SAMD3: variants seen among roughly 807,000 people sequenced by gnomAD.
SAMD3 encodes the protein sterile alpha motif domain-containing protein 3.
A neutral mutation model predicts 58.5 loss-of-function variants in SAMD3; 63 were observed. That is an observed-to-expected ratio of 1.08 (90% CI 0.88 to 1.33). SAMD3 has a LOEUF of 1.33. SAMD3 is among the 40% of genes most tolerant of loss of function. The pLI is 0.00. For missense variants in SAMD3, 604 were observed against 608.4 expected (o/e 0.99, Z 0.08); for synonymous variants, 220 against 210.3 (o/e 1.05, Z -0.40).
At chr6:130,164,343 A>G (rs1280064929) in intron 8 of SAMD3, among the ~76,000 whole-genome samples, 1 of 152,192 alleles carries the variant, frequency 6.6e-6, no homozygotes. Flanking sequence ...ACTTAAAGCA[A>G]AATCATTTTT....
intron 2 of SAMD3, among the ~76,000 whole-genome samples, chr6:130,232,063 A>C (rs1796563594): frequency 1.3e-5 from 2 of 152,138 alleles, no homozygotes; most frequent in Non-Finnish European, 2.9e-5. Flanking sequence ...CTACTGTAGT[A>C]GACATTACAG....
intron 1 of SAMD3, among the ~76,000 whole-genome samples, chr6:130,350,611 T>TG (rs1026733988): frequency 1.3e-5 from 2 of 152,134 alleles, no homozygotes; most frequent in African/African-American, 4.8e-5. Context: ...CGCTCATGGG[T>TG]AGGAAGAATC....
At chr6:130,340,189 T>G (rs1777226456) in intron 1 of SAMD3, among the ~76,000 whole-genome samples, 1 of 152,222 alleles carries the variant, frequency 6.6e-6, no homozygotes, top group South Asian at 2.1e-4. Context: ...GCAATGCAAA[T>G]TTGTTTCATA....
At chr6:130,221,134 A>C (rs55646369) in intron 1 of SAMD3, among the ~76,000 whole-genome samples, 7 of 152,030 alleles carry the variant, frequency 4.6e-5, no homozygotes, top group Non-Finnish European at 1.0e-4. Flanking sequence ...GATTACAGGC[A>C]TGAGCCACCA....
At chr6:130,356,945 A>G (rs1368025572) in intron 1 of SAMD3, among the ~76,000 whole-genome samples, 1 of 152,154 alleles carries the variant, frequency 6.6e-6, no homozygotes, top group Admixed American at 6.5e-5. Flanking sequence ...ATTCACAAAC[A>G]CTTCCATCAA....
chr6:130,241,827 A>AT lies in SAMD3; in HGVS notation c.-187-19015dup, dbSNP rs202189004. ...TTTCTTTTTTTAATTTTTAATTTTA[A>AT]TTTTTTTTGAAAGAGGGCATACCTG... On this transcript the variant is annotated intron_variant, in intron 2 of 13. Coordinates refer to the SAMD3 transcript ENST00000368134. 4.6e-5 allele frequency among the ~76,000 whole-genome samples: 7 copies of AT among 151,530 alleles called. No homozygotes were observed. In the East Asian group the frequency reaches 9.7e-4, roughly 21 times the overall value.
At chr6:130,365,568 C>G, upstream of SAMD3, 1 of 985,354 alleles carries the variant, frequency 1.0e-6, no homozygotes, top group South Asian at 4.7e-5. Context: ...TACTGCGAGT[C>G]GGCTGGAGCT....
At chr6:130,238,398 A>C (rs575337514) in intron 2 of SAMD3, among the ~76,000 whole-genome samples, 1 of 152,320 alleles carries the variant, frequency 6.6e-6, no homozygotes, top group South Asian at 2.1e-4. Flanking sequence ...GGAAATCAAA[A>C]ATAATTACTG....
intron 1 of SAMD3, among the ~76,000 whole-genome samples, chr6:130,356,907 T>C (rs1777847526): frequency 1.3e-5 from 2 of 152,136 alleles, no homozygotes; most frequent in Non-Finnish European, 2.9e-5. Context: ...AGTGACTCAA[T>C]GTTGCTTAGC....
At chr6:130,142,954 T>C (rs1788351585), downstream of SAMD3, 1 of 152,212 alleles carries the variant, frequency 6.6e-6, no homozygotes, top group South Asian at 2.1e-4. Flanking sequence ...AAGAAATGAT[T>C]ACTGGAGGAT....
At chr6:130,292,518 C>T (rs1562503502) in intron 2 of SAMD3, among the ~76,000 whole-genome samples, 1 of 152,002 alleles carries the variant, frequency 6.6e-6, no homozygotes, top group Non-Finnish European at 1.5e-5. Context: ...AACTCCTGAT[C>T]TCAGGTGATC....
intron 2 of SAMD3, among the ~76,000 whole-genome samples, chr6:130,296,331 A>C (rs1268521121): frequency 6.6e-6 from 1 of 152,174 alleles, no homozygotes; most frequent in Admixed American, 6.5e-5. Context: ...AAGCAGCAAG[A>C]GTCTGGTAAA....
At position 130,153,666 on chromosome 6, in the gene SAMD3, T is replaced by TATATATATA. The variant is rs58896049; in HGVS notation, c.1023+1158_1023+1159insTATATATAT. 6.7e-3 allele frequency among the ~76,000 whole-genome samples: 608 copies of TATATATATA among 91,060 alleles called. 18 individuals are homozygous for TATATATATA. Among genetic ancestry groups the TATATATATA allele is most frequent in the African/African-American group, 0.021 (511 of 24,734 alleles). The allele number at this position is 91,060 out of a possible 152,430, so 59.7% of individuals were successfully genotyped here. A position where few individuals can be genotyped will look rare whatever the true frequency, so the allele number is the denominator to read the frequency against. The stretch of plus-strand genomic sequence containing the variant: ...AAATTTCATATATATATATATATAT[T>TATATATATA]TATTTATTTATTTATTTTTTAAAAT... On this transcript the variant is annotated intron_variant, in intron 9 of 11. Coordinates refer to ENST00000439090, the MANE Select transcript of SAMD3 (RefSeq NM_001017373.4).
At chr6:130,281,363 G>A (rs1340878968) in intron 2 of SAMD3, among the ~76,000 whole-genome samples, 3 of 152,096 alleles carry the variant, frequency 2.0e-5, no homozygotes, top group Admixed American at 6.6e-5. Context: ...ACATTTCAGG[G>A]CCATCAGATG....
chr6:130,365,131 G>T, exon 1 of SAMD3: 1 of 957,816 alleles, frequency 1.0e-6, no homozygotes, highest in Non-Finnish European at 1.2e-6. Context: ...GAATTGGCCT[G>T]CATATATACA....
chr6:130,223,978 C>T (rs1323896697), upstream of SAMD3, among the ~76,000 whole-genome samples: 1 of 152,162 alleles, frequency 6.6e-6, no homozygotes, highest in Non-Finnish European at 1.5e-5. Flanking sequence ...AATTGAATCA[C>T]ATGTAGGCTT....
exon 1 of SAMD3, chr6:130,365,217 T>C (rs891196022): frequency 1.0e-6 from 1 of 985,562 alleles, no homozygotes; most frequent in Admixed American, 6.1e-5. Flanking sequence ...CACTGGATGT[T>C]TGGGGTCAAG....
At chr6:130,322,545 A>C (rs974619745) in intron 1 of SAMD3, among the ~76,000 whole-genome samples, 2 of 152,186 alleles carry the variant, frequency 1.3e-5, no homozygotes, top group African/African-American at 4.8e-5. Context: ...CTGAGGCAGG[A>C]GAATCACTTG....
intron 2 of SAMD3, among the ~76,000 whole-genome samples, chr6:130,279,236 C>T (rs975877758): frequency 6.6e-6 from 1 of 152,112 alleles, no homozygotes; most frequent in African/African-American, 2.4e-5. Flanking sequence ...CTTAAATTGT[C>T]ATCCTTATAA....
Sources: allele counts gnomAD v4.1 joint callset (sites outside exome capture counted in the v4.1 genomes callset), GRCh38; gene constraint gnomAD v4.1.1; transcripts MANE v1.5; gene names NCBI Gene and HGNC (gene_info 2026-07-23, HGNC 2026-07-21).